MAPT: variants seen among roughly 807,000 people sequenced by gnomAD.
The protein encoded by MAPT is microtubule associated protein tau, also known as microtubule-associated protein tau.
MAPT carries 34 observed loss-of-function variants against 67.9 expected under a neutral mutation model. The ratio of observed to expected loss-of-function variants is 0.50; its 90% confidence interval spans 0.38 to 0.67. The LOEUF (loss-of-function observed/expected upper bound fraction) is 0.67, where lower values mean the gene tolerates loss of function less well. MAPT is among the 30% of genes least tolerant of loss of function. MAPT has a pLI of 0.00. For missense variants in MAPT, 881 were observed against 1,115.2 expected (o/e 0.79, Z 2.99); for synonymous variants, 456 against 464.5 (o/e 0.98, Z 0.23).
chr17:45,998,837 C>A (rs577806930), intron 9 of MAPT, among the ~76,000 whole-genome samples: 1 of 152,300 alleles, frequency 6.6e-6, no homozygotes, highest in East Asian at 1.9e-4. Context: ...TTGGGACCAC[C>A]GTGACTTTCA....
chr17:46,005,041 C>T (rs2075314343), intron 9 of MAPT, among the ~76,000 whole-genome samples: 2 of 152,208 alleles, frequency 1.3e-5, no homozygotes, highest in South Asian at 4.1e-4. Context: ...GCCTCGGCCT[C>T]CCAAAGTGCT....
intron 4 of MAPT, among the ~76,000 whole-genome samples, chr17:45,982,456 A>G (rs1325229142): frequency 6.6e-6 from 1 of 152,114 alleles, no homozygotes; most frequent in Non-Finnish European, 1.5e-5. Context: ...TTCCCTAGAA[A>G]GCAGGAGAAG....
intron 10 of MAPT, among the ~76,000 whole-genome samples, chr17:46,012,972 G>A (rs1254753454): frequency 6.6e-6 from 1 of 152,110 alleles, no homozygotes; most frequent in East Asian, 1.9e-4. Context: ...ACACACATGG[G>A]TCTCAGCCAT....
chr17:45,997,233 G>T (rs2074559614), intron 9 of MAPT, among the ~76,000 whole-genome samples: 2 of 152,184 alleles, frequency 1.3e-5, no homozygotes, highest in Admixed American at 1.3e-4. Flanking sequence ...GGCCTGGCCT[G>T]GATCCCTTTC....
chr17:45,962,416 G>C lies in MAPT; in HGVS notation c.79G>C (p.Gly27Arg). Residue 27 changes from glycine to arginine, a missense_variant, in exon 2 of 13, where the codon GGG (glycine) becomes CGG (arginine). Gly to Arg is a moderately radical substitution (Grantham distance 125). Around this residue, in one of 6 missense-constraint regions of MAPT, gnomAD observed 687 missense variants for 766.1 expected, o/e 0.90. Coordinates refer to ENST00000262410, the MANE Select transcript of MAPT (RefSeq NM_001377265.1). ...TYGLGDRKDQ[G>R]GYTMHQDQEG... ...CGGGTTGGGGGACAGGAAAGATCAG[G>C]GGGGCTACACCATGCACCAAGACCA... is the stretch of plus-strand genomic sequence containing the variant. 6.2e-7 allele frequency: 1 copy of C among 1,612,754 alleles called. No homozygotes were observed. Among genetic ancestry groups the C allele is most frequent in the Non-Finnish European group, 8.5e-7 (1 of 1,179,956 alleles).
chr17:45,905,788 T>C (rs776384735), intron 1 of MAPT, among the ~76,000 whole-genome samples: 2 of 152,212 alleles, frequency 1.3e-5, no homozygotes, highest in Non-Finnish European at 2.9e-5. Context: ...TGGATGATAA[T>C]GTGGTCTCTC....
chr17:46,022,197 A>T (rs2076567894), intron 12 of MAPT, among the ~76,000 whole-genome samples: 3 of 152,018 alleles, frequency 2.0e-5, no homozygotes, highest in Non-Finnish European at 4.4e-5. Context: ...TCTACAAAAA[A>T]TACAAAAATT....
In MAPT at chr17:45,903,960, TATATA is replaced by T. The variant is rs1466699067; in HGVS notation, c.-18+9275_-18+9279del. 1.1e-3 allele frequency among the ~76,000 whole-genome samples: 23 copies of T among 21,180 alleles called. 1 individual carries two copies. The highest frequency in any genetic ancestry group is 3.2e-3 in the African/African-American group (20 of 6,332). 13.9% of individuals were successfully genotyped at this position (21,180 alleles called of 152,430 possible). A position where few individuals can be genotyped will look rare whatever the true frequency, so the allele number is the denominator to read the frequency against. On this transcript the variant is annotated intron_variant, in intron 1 of 12. Coordinates refer to ENST00000262410, the MANE Select transcript of MAPT (RefSeq NM_001377265.1). ...TTTATATATAATATATATTATATAT[TATATA>T]TTATATATTATATATTATATATTTA...
chr17:45,941,721 T>TCCTGCCTTCCTTCCTG (rs1200571064), intron 1 of MAPT, among the ~76,000 whole-genome samples: 3 of 124,626 alleles, frequency 2.4e-5, no homozygotes, highest in African/African-American at 8.9e-5. Context: ...CTTCCTTCCT[T>TCCTGCCTTCCTTCCTG]CCTTCCTTCC....
Position 46,010,243 on chromosome 17 carries a change from C to A in MAPT, c.1999-67C>A. ...GCATGTCACTCATCGAAAGTGGAGGCGTCCTTGCGAGCAAGCAGGCGGGTC... is the reference window on the plus strand; with the variant it reads ...GCATGTCACTCATCGAAAGTGGAGGAGTCCTTGCGAGCAAGCAGGCGGGTC... On this transcript the variant is annotated intron_variant, in intron 9 of 12. Transcript: ENST00000262410. This position sits in a 1 kb window ranked among gnomAD's most constrained non-coding sequence, Gnocchi z 4.7. The A allele has an allele frequency of 9.4e-7, 1 of 1,066,990 alleles. No homozygotes were observed. The highest frequency in any genetic ancestry group is 1.4e-6 in the Non-Finnish European group (1 of 706,072). 66.1% of individuals were successfully genotyped at this position (1,066,990 alleles called of 1,614,324 possible).
At chr17:45,956,409 A>T (rs1163839568) in intron 1 of MAPT, among the ~76,000 whole-genome samples, 1 of 152,030 alleles carries the variant, frequency 6.6e-6, no homozygotes, top group Non-Finnish European at 1.5e-5. Flanking sequence ...GGCTCTCTCC[A>T]AAGGGAGCTG....
At chr17:45,990,420 C>T in intron 7 of MAPT, 1 of 436,524 alleles carries the variant, frequency 2.3e-6, no homozygotes, top group South Asian at 1.9e-5. Flanking sequence ...TCGAGACCAG[C>T]CTGGCTAACA....
chr17:45,989,042 T>TG (rs915886586), intron 6 of MAPT, among the ~76,000 whole-genome samples: 176 of 149,376 alleles, frequency 1.2e-3, no homozygotes, highest in South Asian at 8.4e-3. Context: ...CTTTCCAACT[T>TG]GGGGGGGGCA....
chr17:46,014,043 C>T (rs1457526544), intron 10 of MAPT, among the ~76,000 whole-genome samples, 200 bp from the exon 11 acceptor site: 4 of 152,124 alleles, frequency 2.6e-5, no homozygotes, highest in Non-Finnish European at 5.9e-5. Context: ...GGCAGAATTT[C>T]GACAACACAT....
intron 12 of MAPT, among the ~76,000 whole-genome samples, chr17:46,019,953 A>C (rs1000108399): frequency 6.6e-6 from 1 of 150,608 alleles, no homozygotes; most frequent in Non-Finnish European, 1.5e-5. Flanking sequence ...CAGAGGTTGT[A>C]GTGAGCCGAG....
intron 9 of MAPT, among the ~76,000 whole-genome samples, chr17:46,006,024 T>C (rs2075384516): frequency 6.6e-6 from 1 of 152,164 alleles, no homozygotes; most frequent in Admixed American, 6.5e-5. Flanking sequence ...AGAAAGGTGA[T>C]GTGGCACTAG....
chr17:45,996,511 C>G lies in MAPT; in HGVS notation c.1845C>G (p.Pro615=), dbSNP rs1006206564. 8.1e-6 allele frequency: 13 copies of G among 1,613,536 alleles called. No individual in the cohort carries two copies. The highest frequency in any genetic ancestry group is 9.3e-6 in the Non-Finnish European group (11 of 1,179,906). The change falls in exon 9 of 13, where the codon CCC becomes CCG. Residue 615 remains proline (P), a synonymous_variant. Coordinates refer to ENST00000262410, the MANE Select transcript of MAPT (RefSeq NM_001377265.1). This position sits in a 1 kb window ranked among gnomAD's most constrained non-coding sequence, Gnocchi z 4.5. Reference sequence around the variant, plus strand: ...TTCCAACCCCACCCACCCGGGAGCCCAAGAAGGTGGCAGTGGTCCGTACTC... The same window carrying G: ...TTCCAACCCCACCCACCCGGGAGCCGAAGAAGGTGGCAGTGGTCCGTACTC... ...PSLPTPPTRE[P]KKVAVVRTPP...
chr17:45,983,592 G>A lies in MAPT; in HGVS notation c.1013G>A (p.Gly338Asp), dbSNP rs1351901598. 2.5e-6 allele frequency: 4 copies of A among 1,613,222 alleles called. No individual in the cohort carries two copies. The African/African-American group carries it at 5.3e-5, about 22-fold the overall frequency. The change falls in exon 5 of 13, where the codon GGT (glycine) becomes GAT (aspartate). Residue 338 changes from glycine to aspartate, a missense_variant. Coordinates refer to ENST00000262410, the MANE Select transcript of MAPT (RefSeq NM_001377265.1). The stretch of plus-strand genomic sequence containing the variant: ...AGCATCCCAGGCTTCCCAGCGGAGG[G>A]TGCCATCCCCCTCCCTGTGGATTTC... ...ATSIPGFPAEGAIPLPVDFLS... is the reference protein window; with the variant it reads ...ATSIPGFPAEDAIPLPVDFLS...
At position 45,991,441 on chromosome 17, in the gene MAPT, T is replaced by G. The variant is rs749550393; in HGVS notation, c.1606-19T>G. ...TTTTCCCAATGGTGAAAAACCCCTC[T>G]ATCATGTTTCATTTACAGGGGGCTG... On this transcript the variant is annotated intron_variant, in intron 7 of 12. Transcript: ENST00000262410. 5 of 1,614,148 alleles carry G rather than the reference T, an allele frequency of 3.1e-6. No homozygotes were observed. Among genetic ancestry groups the G allele is most frequent in the Non-Finnish European group, 4.2e-6 (5 of 1,180,032 alleles).
Sources: gnomAD v4.1 joint callset for allele counts (sites outside exome capture counted in the v4.1 genomes callset) on GRCh38, gnomAD v4.1.1 for gene constraint, gnomAD v4.1.1 regional missense constraint, Gnocchi (gnomAD v3.1) non-coding constraint, MANE v1.5 for transcripts, NCBI Gene and HGNC (gene_info 2026-07-23, HGNC 2026-07-21) for gene names.